The following PLAC9 variants were observed in gnomAD, a reference collection of about 807,000 sequenced individuals.
The protein encoded by PLAC9 is placenta-specific protein 9.
Under a neutral mutation model 11.5 loss-of-function variants are expected in PLAC9, and 12 were observed. The ratio of observed to expected loss-of-function variants is 1.05; its 90% CI spans 0.67 to 1.69. PLAC9 has a LOEUF of 1.69. Ranked by LOEUF, PLAC9 falls within the 40% of genes most tolerant of loss-of-function variation. The pLI is 0.00. For synonymous variants in PLAC9, 62 were observed against 58.1 expected, an observed-to-expected ratio of 1.07 and a Z score of -0.31; for missense variants, 132 against 130.5, an observed-to-expected ratio of 1.01 and a Z score of -0.06.
chr10:80,133,158 G>A (rs559578636), intron 1 of PLAC9, among the ~76,000 whole-genome samples: 19 of 152,198 alleles, frequency 1.2e-4, no homozygotes, highest in South Asian at 4.1e-4. Context: ...AAGAGAAGAA[G>A]GAAAGAGAAA....
intron 2 of PLAC9, among the ~76,000 whole-genome samples, chr10:80,142,584 G>C (rs372273885): frequency 6.6e-6 from 1 of 152,100 alleles, no homozygotes; most frequent in African/African-American, 2.4e-5. Flanking sequence ...CTATAACTTT[G>C]TCATCAATAG....
At position 80,132,813 on chromosome 10, in the gene PLAC9, G is replaced by T; in HGVS notation, c.51G>T (p.Ala17=). 6.7e-7 allele frequency: 1 copy of T among 1,497,028 alleles called. No homozygotes were observed. Among genetic ancestry groups the T allele is most frequent in the South Asian group, 1.3e-5 (1 of 79,858 alleles). 92.7% of individuals were successfully genotyped at this position (1,497,028 alleles called of 1,614,324 possible). Residue 17 remains alanine, a synonymous_variant, in exon 1 of 4, where the codon GCG becomes GCT. Transcript: ENST00000372263. ...CCGGACTGGCCCTGCTCCGCGCCGC[G>T]GGCTCTTTGGCCGGTGAGTGGGGCG... The part of the protein sequence containing the change: ...ALTGLALLRA[A]GSLAAAEPFS...
upstream of PLAC9, chr10:80,131,840 A>G (rs1480452034): frequency 6.6e-6 from 1 of 152,256 alleles, no homozygotes; most frequent in African/African-American, 2.4e-5. Flanking sequence ...AGGTAATCCC[A>G]ACGGGGACCC....
intron 1 of PLAC9, among the ~76,000 whole-genome samples, chr10:80,139,975 A>G (rs1845021149): frequency 6.6e-6 from 1 of 152,140 alleles, no homozygotes; most frequent in South Asian, 2.1e-4. Context: ...TCCCTACGTG[A>G]TCTCCATCTT....
intron 1 of PLAC9, among the ~76,000 whole-genome samples, chr10:80,141,178 C>T (rs185489096): frequency 6.6e-6 from 1 of 152,328 alleles, no homozygotes; most frequent in East Asian, 1.9e-4. Flanking sequence ...TGCCTCTGCT[C>T]ATCACTTCTC....
rs972251934 is a variant in PLAC9 at position 80,144,783 on chromosome 10, C to T, written c.284-117C>T. On this transcript the variant is annotated intron_variant, in intron 3 of 3. Transcript: ENST00000372263. ...CTGCTCTCTCCTTGATCCTTGTGTCCCGCGCGCAGTAGTTCCTGGGGGCCG... is the reference window on the plus strand; with the variant it reads ...CTGCTCTCTCCTTGATCCTTGTGTCTCGCGCGCAGTAGTTCCTGGGGGCCG... The T allele has an allele frequency of 1.1e-5, 12 of 1,056,880 alleles. No individual in the cohort carries two copies. The African/African-American group carries it at 1.8e-4, about 16-fold the overall frequency. The allele number at this position is 1,056,880 out of a possible 1,614,324, so 65.5% of individuals were successfully genotyped here.
chr10:80,132,908 GGA>G, intron 1 of PLAC9, 82 bp downstream of exon 1: 1 of 1,250,272 alleles, frequency 8.0e-7, no homozygotes, highest in Non-Finnish European at 1.1e-6. Context: ...CGAGAGAGAC[GGA>G]GAGAGAGCTG....
At chr10:80,132,683 T>G, upstream of PLAC9, 1 of 1,253,646 alleles carries the variant, frequency 8.0e-7, no homozygotes, top group Non-Finnish European at 1.0e-6. Context: ...CTGAGTGCAT[T>G]TCCTCTCGGG....
At chr10:80,137,753 A>G (rs1844996577) in intron 1 of PLAC9, among the ~76,000 whole-genome samples, 1 of 152,110 alleles carries the variant, frequency 6.6e-6, no homozygotes, top group Admixed American at 6.5e-5. Flanking sequence ...TATCTCTACA[A>G]AAAATACAAA....
chr10:80,135,164 C>T lies in PLAC9; in HGVS notation c.64+2338C>T, dbSNP rs530576927. Among the ~76,000 whole-genome samples, 19 of 151,508 alleles carry T rather than the reference C, an allele frequency of 1.3e-4. No individual in the cohort carries two copies. The East Asian group carries it at 1.4e-3, about 11-fold the overall frequency. On this transcript the variant is annotated intron_variant, in intron 1 of 3. Coordinates refer to ENST00000372263, the MANE Select transcript of PLAC9 (RefSeq NM_001012973.3). Reference sequence around the variant, plus strand: ...CCTCCCAAGCAGCTGGGACTACGGACGGCTGCAACCATGCCCGGCTAAATT... The same window carrying T: ...CCTCCCAAGCAGCTGGGACTACGGATGGCTGCAACCATGCCCGGCTAAATT...
intron 2 of PLAC9, among the ~76,000 whole-genome samples, chr10:80,142,841 C>T (rs1248160858): frequency 2.0e-5 from 3 of 152,112 alleles, no homozygotes; most frequent in Admixed American, 6.6e-5. Flanking sequence ...ACCTCAGTCT[C>T]CCAAGTAGCT....
chr10:80,144,849 G>A, intron 3 of PLAC9, 51 bp from the exon 4 acceptor site: 2 of 1,538,734 alleles, frequency 1.3e-6, no homozygotes, highest in East Asian at 2.4e-5. Context: ...ACGGGGGCAG[G>A]TACTCTGCGG....
intron 1 of PLAC9, among the ~76,000 whole-genome samples, chr10:80,135,436 G>A (rs534713436): frequency 7.5e-5 from 11 of 146,680 alleles, no homozygotes; most frequent in Admixed American, 2.8e-4. Context: ...AGCAATTCTC[G>A]TGCCTCAGTC....
chr10:80,138,839 C>T (rs1465194066), intron 1 of PLAC9, among the ~76,000 whole-genome samples: 1 of 152,174 alleles, frequency 6.6e-6, no homozygotes, highest in East Asian at 1.9e-4. Flanking sequence ...GTAGAGAGAT[C>T]AAGTTCCATA....
At chr10:80,133,957 A>G (rs1350995003) in intron 1 of PLAC9, among the ~76,000 whole-genome samples, 7 of 151,622 alleles carry the variant, frequency 4.6e-5, no homozygotes, top group Admixed American at 1.3e-4. Flanking sequence ...AAAAAAAAAA[A>G]AAGAAGAAGG....
At chr10:80,137,500 G>A (rs11201845) in intron 1 of PLAC9, among the ~76,000 whole-genome samples, 21,631 of 152,182 alleles carry the variant, frequency 0.14, 2,805 homozygotes, top group African/African-American at 0.35. Flanking sequence ...TGTATCCACA[G>A]ACTCATGACA....
chr10:80,142,317 A>G, intron 2 of PLAC9, 138 bp downstream of exon 2: 1 of 642,632 alleles, frequency 1.6e-6, no homozygotes, highest in Non-Finnish European at 2.6e-6. Context: ...GTCCAACATC[A>G]CCCTCCCATC....
intron 1 of PLAC9, 92 bp from the exon 2 acceptor site, chr10:80,141,990 G>A: frequency 9.8e-7 from 1 of 1,016,916 alleles, no homozygotes; most frequent in Non-Finnish European, 1.4e-6. Context: ...TTTGCTTTGA[G>A]GACTGACCTC....
intron 1 of PLAC9, among the ~76,000 whole-genome samples, chr10:80,133,686 C>G (rs960837484): frequency 3.9e-5 from 6 of 152,042 alleles, no homozygotes; most frequent in Non-Finnish European, 7.4e-5. Flanking sequence ...TTTCACTGTC[C>G]GCTTTCTTCC....
Sources: allele counts gnomAD v4.1 joint callset (sites outside exome capture counted in the v4.1 genomes callset), GRCh38; gene constraint gnomAD v4.1.1; transcripts MANE v1.5; gene names NCBI Gene and HGNC (gene_info 2026-07-23, HGNC 2026-07-21).